DNHD1: variants seen among roughly 807,000 people sequenced by gnomAD.
DNHD1 encodes dynein heavy chain domain-containing protein 1.
Under a neutral mutation model 458.1 loss-of-function variants are expected in DNHD1, and 383 were observed. The ratio of observed to expected loss-of-function variants is 0.84; its 90% CI spans 0.77 to 0.91. The LOEUF is 0.91. Among genes scored for constraint, DNHD1 ranks in the 40% least tolerant of loss-of-function variants. The probability of loss-of-function intolerance (pLI) is 0.00; values close to 1 mark genes in which losing one functional copy is unlikely to be tolerated. For missense variants in DNHD1, 5,336 were observed against 5,866.1 expected, an observed-to-expected ratio of 0.91 and a Z score of 2.95; for synonymous variants, 2,203 against 2,376.9, an observed-to-expected ratio of 0.93 and a Z score of 2.13.
rs146306601 is a variant in DNHD1 at position 6,520,338 on chromosome 11, G to A, written c.1837+49G>A. Reference sequence around the variant, plus strand: ...GGGTAGGAAGGCTGAAGGAGGGAAAGGGCACAAGTACTAATGGCATGGGAA... The same window carrying A: ...GGGTAGGAAGGCTGAAGGAGGGAAAAGGCACAAGTACTAATGGCATGGGAA... On this transcript the variant is annotated intron_variant, in intron 10 of 42. Transcript: ENST00000254579. 2,533 of 1,551,380 alleles carry A rather than the reference G, an allele frequency of 1.6e-3. 4 individuals are homozygous for A. The highest frequency in any genetic ancestry group is 2.0e-3 in the Non-Finnish European group (2,346 of 1,146,864).
At chr11:6,537,269 A>G (rs1048699906) in intron 14 of DNHD1, among the ~76,000 whole-genome samples, 1 of 152,204 alleles carries the variant, frequency 6.6e-6, no homozygotes, top group Non-Finnish European at 1.5e-5. Context: ...GGCCGGAGGT[A>G]AACATGACAG....
intron 31 of DNHD1, 57 bp from the exon 32 acceptor site, chr11:6,564,276 T>C: frequency 4.7e-6 from 7 of 1,481,276 alleles, no homozygotes; most frequent in Non-Finnish European, 6.4e-6. Context: ...CTGCCATATC[T>C]CTGCCTGCAC....
intron 14 of DNHD1, 118 bp from the exon 15 acceptor site, chr11:6,538,265 C>A: frequency 1.2e-6 from 1 of 831,954 alleles, no homozygotes; most frequent in Non-Finnish European, 1.9e-6. Context: ...CTCCCCCACC[C>A]CCAACCATCA....
chr11:6,502,986 TTCCCCC>T (rs1852168226), intron 4 of DNHD1, 60 bp downstream of exon 4: 1 of 1,579,272 alleles, frequency 6.3e-7, no homozygotes, highest in African/African-American at 1.4e-5. Flanking sequence ...CTATGCTATC[TTCCCCC>T]TCCTCTTTCT....
Position 6,570,771 on chromosome 11 carries a change from G to A in DNHD1, c.13259G>A (p.Ser4420Asn), listed in dbSNP as rs1179741476. Residue 4420 changes from serine to asparagine, a missense_variant, in exon 42 of 43, where the codon AGT becomes AAT. This residue lies in a region of DNHD1 where 698 missense variants were observed against 664.9 expected (regional missense o/e 1.05). Transcript: ENST00000254579. ...SRALLSALQR[S>N]SPVWVPESRR... is the part of the protein sequence containing the mutation. ...GCTCTCTTGAGTGCGCTGCAGCGGAGTTCACCCGTGTGGGTTCCTGAGTCT... is the reference window on the plus strand; with the variant it reads ...GCTCTCTTGAGTGCGCTGCAGCGGAATTCACCCGTGTGGGTTCCTGAGTCT... The A allele has an allele frequency of 1.2e-6, 2 of 1,613,054 alleles. No individual in the cohort carries two copies. Among genetic ancestry groups the A allele is most frequent in the Admixed American group, 1.7e-5 (1 of 59,830 alleles).
At chr11:6,512,209 TTC>T (rs1386357719) in intron 7 of DNHD1, among the ~76,000 whole-genome samples, 8 of 129,342 alleles carry the variant, frequency 6.2e-5, no homozygotes, top group African/African-American at 2.5e-4. Flanking sequence ...TTCTTTTTCT[TTC>T]TTTTTTTTTT....
intron 10 of DNHD1, chr11:6,520,532 G>C (rs943136231): frequency 7.4e-7 from 1 of 1,359,980 alleles, no homozygotes; most frequent in Non-Finnish European, 9.5e-7. Flanking sequence ...ATGAAAGAGT[G>C]TGAGTACATT....
At chr11:6,524,567 A>G (rs1001583708) in intron 10 of DNHD1, among the ~76,000 whole-genome samples, 28 of 152,212 alleles carry the variant, frequency 1.8e-4, no homozygotes, top group African/African-American at 6.0e-4. Context: ...CAAGACAAGG[A>G]GTATGATTGA....
In DNHD1 at chr11:6,567,352, A is replaced by G. The variant is rs1471065622; in HGVS notation, c.11843A>G (p.Lys3948Arg). 1 of 1,613,940 alleles carries G rather than the reference A, an allele frequency of 6.2e-7. No individual in the cohort carries two copies. Among genetic ancestry groups the G allele is most frequent in the East Asian group, 2.2e-5 (1 of 44,900 alleles). Reference sequence around the variant, plus strand: ...TTGGCTCTGCTGCAAGCAACAGGGAAAGCATCAGAGCTGGAAAGACTGGCA... The same window carrying G: ...TTGGCTCTGCTGCAAGCAACAGGGAGAGCATCAGAGCTGGAAAGACTGGCA... Reference protein sequence around the residue: ...GALALLQATGKASELERLALW... With the variant: ...GALALLQATGRASELERLALW... The change falls in exon 36 of 43, where the codon AAA becomes AGA. Residue 3948 changes from lysine (K) to arginine (R), a missense_variant. By Grantham distance (26) the Lys-to-Arg change is conservative (BLOSUM62 2). Around this residue, in one of 4 missense-constraint regions of DNHD1, gnomAD observed 695 missense variants for 804.2 expected, o/e 0.86. Transcript: ENST00000254579.
At position 6,564,817 on chromosome 11, in the gene DNHD1, A is replaced by G. The variant is rs147302695; in HGVS notation, c.10756+13A>G. 2,202 of 1,488,272 alleles carry G rather than the reference A, an allele frequency of 1.5e-3. 13 individuals are homozygous for G. In the Middle Eastern group the frequency reaches 0.027, roughly 19 times the overall value. The allele number at this position is 1,488,272 out of a possible 1,614,324, so 92.2% of individuals were successfully genotyped here. A position where few individuals can be genotyped will look rare whatever the true frequency, so the allele number is the denominator to read the frequency against. On this transcript the variant is annotated intron_variant, in intron 32 of 42. Transcript: ENST00000254579. ...ACTGAGGGTAGAGGTAAGCAGGCAT[A>G]ATAAATGCAATGCTTCCGGAGTATC...
intron 33 of DNHD1, 36 bp from the exon 34 acceptor site, chr11:6,566,205 C>A: frequency 6.5e-7 from 1 of 1,546,378 alleles, no homozygotes; most frequent in Non-Finnish European, 8.7e-7. Flanking sequence ...TGGGTGCTGG[C>A]ATTGTGGGTA....
At position 6,556,785 on chromosome 11, in the gene DNHD1, C is replaced by T. The variant is rs1331654717; in HGVS notation, c.7490C>T (p.Thr2497Ile). 2 of 1,551,664 alleles carry T rather than the reference C, an allele frequency of 1.3e-6. No individual in the cohort carries two copies. The highest frequency in any genetic ancestry group is 8.7e-7 in the Non-Finnish European group (1 of 1,146,946). Residue 2497 changes from threonine to isoleucine, a missense_variant, in exon 25 of 43, where the codon ACA becomes ATA. Thr to Ile is a moderately conservative substitution (Grantham distance 89). Transcript: ENST00000254579. ...STLELQTLQPTVNFLATVTVP... is the reference protein window; with the variant it reads ...STLELQTLQPIVNFLATVTVP... ...TTGGAACTGCAGACGCTGCAGCCTACAGTCAACTTCCTTGCCACTGTCACA... is the reference window on the plus strand; with the variant it reads ...TTGGAACTGCAGACGCTGCAGCCTATAGTCAACTTCCTTGCCACTGTCACA...
chr11:6,527,584 A>G (rs1452572101), intron 10 of DNHD1, among the ~76,000 whole-genome samples: 1 of 152,238 alleles, frequency 6.6e-6, no homozygotes, highest in Non-Finnish European at 1.5e-5. Context: ...ACATCCAGAT[A>G]GAGAAGTGAA....
At chr11:6,550,460 T>G (rs1456116996) in intron 24 of DNHD1, among the ~76,000 whole-genome samples, 1 of 152,162 alleles carries the variant, frequency 6.6e-6, no homozygotes, top group Non-Finnish European at 1.5e-5. Flanking sequence ...GCTGGCAGAA[T>G]GTAAAAGGTG....
In DNHD1 at chr11:6,533,833, C is replaced by T; in HGVS notation, c.2658C>T (p.Pro886=). 6.4e-7 allele frequency: 1 copy of T among 1,551,370 alleles called. No individual in the cohort carries two copies. The highest frequency in any genetic ancestry group is 8.7e-7 in the Non-Finnish European group (1 of 1,146,930). ...ISVRRQFGES[P]IPPCPPPPQP... ...TGAGAAGGCAATTCGGGGAGTCACC[C>T]ATCCCTCCCTGCCCTCCTCCCCCAC... The change falls in exon 14 of 43, where the codon CCC becomes CCT. Residue 886 remains proline (P), a synonymous_variant. Transcript: ENST00000254579.
chr11:6,560,029 G>T (rs907913022), intron 28 of DNHD1, among the ~76,000 whole-genome samples: 1 of 152,208 alleles, frequency 6.6e-6, no homozygotes, highest in Non-Finnish European at 1.5e-5. Context: ...TAAAATTGGT[G>T]ATGATAGGGC....
chr11:6,533,097 A>G lies in DNHD1; in HGVS notation c.2418A>G (p.Gln806=), dbSNP rs754617032. 1.3e-6 allele frequency: 2 copies of G among 1,551,674 alleles called. No homozygotes were observed. The highest frequency in any genetic ancestry group is 1.2e-5 in the South Asian group (1 of 84,062). ...HVQNECWNLS[Q]QLMTELTDFM... ...AAAATGAGTGCTGGAACCTCAGTCA[A>G]CAACTCATGACAGAGCTCACAGATT... The change falls in exon 13 of 43, where the codon CAA becomes CAG. Residue 806 remains glutamine, a synonymous_variant. Transcript: ENST00000254579.
intron 10 of DNHD1, among the ~76,000 whole-genome samples, chr11:6,521,504 A>G (rs1852603509): frequency 6.6e-6 from 1 of 152,180 alleles, no homozygotes; most frequent in Admixed American, 6.5e-5. Flanking sequence ...TAGGGGTGAA[A>G]TGTCATAATG....
intron 7 of DNHD1, among the ~76,000 whole-genome samples, chr11:6,513,646 A>G (rs1230430629): frequency 6.6e-6 from 1 of 152,172 alleles, no homozygotes; most frequent in African/African-American, 2.4e-5. Context: ...CCAGTTTTTT[A>G]CTATTATGAA....
Sources: allele counts gnomAD v4.1 joint callset (sites outside exome capture counted in the v4.1 genomes callset), GRCh38; gene constraint gnomAD v4.1.1; regional missense constraint gnomAD v4.1.1; transcripts MANE v1.5; gene names NCBI Gene and HGNC (gene_info 2026-07-23, HGNC 2026-07-21).